DENND1A: variants seen among roughly 807,000 people sequenced by gnomAD.
DENND1A encodes DENN domain containing 1A.
Under a neutral mutation model 113.7 loss-of-function variants are expected in DENND1A, and 51 were observed. That is an observed-to-expected ratio of 0.45 (90% CI 0.36 to 0.57). The LOEUF (loss-of-function observed/expected upper bound fraction) is 0.57, where lower values mean the gene tolerates loss of function less well. Among genes scored for constraint, DENND1A ranks in the 20% least tolerant of loss-of-function variants. The probability of loss-of-function intolerance (pLI) is 0.00; values close to 1 mark genes in which losing one functional copy is unlikely to be tolerated. For missense variants in DENND1A, 1,258 were observed against 1,395.9 expected (o/e 0.90, Z 1.57); for synonymous variants, 565 against 570.8 (o/e 0.99, Z 0.14).
At chr9:123,516,884 CAAAAAAAA>C (rs546001517) in intron 13 of DENND1A, among the ~76,000 whole-genome samples, 501 of 93,022 alleles carry the variant, frequency 5.4e-3, no homozygotes, top group African/African-American at 0.03. Flanking sequence ...GACTCTGTCT[CAAAAAAAA>C]AAAAAAAAAA....
intron 12 of DENND1A, among the ~76,000 whole-genome samples, chr9:123,577,733 A>G (rs935780859): frequency 2.0e-5 from 3 of 152,208 alleles, no homozygotes; most frequent in African/African-American, 7.2e-5. Flanking sequence ...AAAAATGCAC[A>G]CACCATTGGT....
At chr9:123,728,760 T>A (rs1032449871) in intron 5 of DENND1A, among the ~76,000 whole-genome samples, 1 of 152,074 alleles carries the variant, frequency 6.6e-6, no homozygotes, top group African/African-American at 2.4e-5. Context: ...GATAGATACA[T>A]AGATGCTACA....
At chr9:123,922,733 A>G (rs1564513795) in intron 1 of DENND1A, among the ~76,000 whole-genome samples, 2 of 152,126 alleles carry the variant, frequency 1.3e-5, no homozygotes, top group South Asian at 2.1e-4. Flanking sequence ...ACAGTTCCCT[A>G]TATCTGGAAT....
At position 123,454,785 on chromosome 9, in the gene DENND1A, G is replaced by GA; in HGVS notation, c.1187-7dup. On this transcript the variant is annotated splice_polypyrimidine_tract_variant and splice_region_variant and intron_variant, in intron 15 of 23. Coordinates refer to ENST00000394215, the MANE Select transcript of DENND1A (RefSeq NM_001352964.2). The stretch of plus-strand genomic sequence containing the variant: ...ATGGTACAGTTTGTCACTGCCTGGG[G>GA]AAAGAGAATTCAGAGAAGCTGTCAC... 15 of 1,554,518 alleles carry GA rather than the reference G, an allele frequency of 9.6e-6. No individual in the cohort carries two copies. Among genetic ancestry groups the GA allele is most frequent in the Non-Finnish European group, 1.3e-5 (15 of 1,148,130 alleles).
intron 8 of DENND1A, among the ~76,000 whole-genome samples, chr9:123,663,544 C>A (rs2063348527): frequency 6.6e-6 from 1 of 151,960 alleles, no homozygotes; most frequent in African/African-American, 2.4e-5. Flanking sequence ...TTAAAATAAT[C>A]CTTCAGTAGC....
chr9:123,448,438 TG>T (rs1297148278), intron 18 of DENND1A, among the ~76,000 whole-genome samples: 1 of 152,182 alleles, frequency 6.6e-6, no homozygotes, highest in Non-Finnish European at 1.5e-5. Context: ...TGAGGGCGCA[TG>T]GGGCCTTTGC....
chr9:123,653,254 A>G (rs776674999), intron 8 of DENND1A, among the ~76,000 whole-genome samples: 1 of 152,258 alleles, frequency 6.6e-6, no homozygotes, highest in Non-Finnish European at 1.5e-5. Flanking sequence ...CTTTATAAAT[A>G]CAGAGCAAGT....
intron 13 of DENND1A, among the ~76,000 whole-genome samples, chr9:123,499,301 T>C (rs370103577): frequency 9.8e-5 from 15 of 152,388 alleles, no homozygotes; most frequent in Middle Eastern, 3.4e-3. Flanking sequence ...CCCAAAGTGC[T>C]GGGATTACAG....
intron 22 of DENND1A, among the ~76,000 whole-genome samples, chr9:123,384,818 C>T (rs1588255687): frequency 6.6e-6 from 1 of 152,094 alleles, no homozygotes; most frequent in Middle Eastern, 3.4e-3. Flanking sequence ...TGTGGTGGTG[C>T]GTGCCTGTAG....
chr9:123,401,833 C>T, intron 21 of DENND1A: 1 of 1,614,222 alleles, frequency 6.2e-7, no homozygotes. Flanking sequence ...GAGGTCCAGC[C>T]TCTCGTCGGG....
chr9:123,928,873 C>T (rs1857540341), intron 1 of DENND1A: 4 of 985,140 alleles, frequency 4.1e-6, no homozygotes, highest in Non-Finnish European at 4.8e-6. Context: ...TTTAAAGTGT[C>T]CTAGGAAAGT....
Position 123,799,532 on chromosome 9 carries a change from G to C in DENND1A, c.89-6902C>G, listed in dbSNP as rs981473498. On this transcript the variant is annotated intron_variant, in intron 2 of 23. Coordinates refer to ENST00000394215, the MANE Select transcript of DENND1A (RefSeq NM_001352964.2). ...CAGGGGCATCTGGCCTTGTCCTAAG[G>C]GGGCAGAAAAAGGTTCCACGAAGAA... 7.9e-5 allele frequency among the ~76,000 whole-genome samples: 12 copies of C among 152,092 alleles called. No homozygotes were observed. In the East Asian group the frequency reaches 2.3e-3, roughly 29 times the overall value.
chr9:123,511,913 C>T (rs1019741634), intron 13 of DENND1A, among the ~76,000 whole-genome samples: 1 of 152,192 alleles, frequency 6.6e-6, no homozygotes, highest in Non-Finnish European at 1.5e-5. Context: ...TTATCAGGGT[C>T]TCGTGACTTG....
intron 5 of DENND1A, among the ~76,000 whole-genome samples, chr9:123,745,734 C>CAGTT (rs1041748634): frequency 3.5e-4 from 54 of 152,322 alleles, no homozygotes; most frequent in Middle Eastern, 3.4e-3. Context: ...TGGCCACCTA[C>CAGTT]AGTTACATGC....
chr9:123,912,905 T>C (rs778234487), intron 1 of DENND1A, among the ~76,000 whole-genome samples: 18 of 151,876 alleles, frequency 1.2e-4, no homozygotes, highest in Non-Finnish European at 1.8e-4. Context: ...GAATAAGGCA[T>C]TACCCCACCC....
chr9:123,424,367 C>T (rs140512020), intron 19 of DENND1A, among the ~76,000 whole-genome samples: 120 of 152,316 alleles, frequency 7.9e-4, no homozygotes, highest in East Asian at 5.2e-3. Flanking sequence ...ACAGTTCCCA[C>T]GCAGGACATC....
chr9:123,690,038 G>A (rs1410243265), intron 5 of DENND1A, among the ~76,000 whole-genome samples: 1 of 132,966 alleles, frequency 7.5e-6, no homozygotes, highest in African/African-American at 2.8e-5. Flanking sequence ...GGAAGAAAAG[G>A]AGGGAAGAAG....
chr9:123,639,079 AAAAAAG>A (rs1190757062), intron 9 of DENND1A, among the ~76,000 whole-genome samples: 18 of 148,954 alleles, frequency 1.2e-4, no homozygotes, highest in East Asian at 5.8e-4. Context: ...AAGAAAGAAA[AAAAAAG>A]AAAAAGAAAA....
At chr9:123,650,343 G>A (rs1289785937) in intron 9 of DENND1A, among the ~76,000 whole-genome samples, 1 of 152,032 alleles carries the variant, frequency 6.6e-6, no homozygotes, top group East Asian at 1.9e-4. Flanking sequence ...AAACTGTAAG[G>A]AAAACTCTAG....
Sources: gnomAD v4.1 joint callset for allele counts (sites outside exome capture counted in the v4.1 genomes callset) on GRCh38, gnomAD v4.1.1 for gene constraint, MANE v1.5 for transcripts, NCBI Gene and HGNC (gene_info 2026-07-23, HGNC 2026-07-21) for gene names.